The following NKAIN2 variants were observed in gnomAD, a reference collection of about 807,000 sequenced individuals.
The protein encoded by NKAIN2 is sodium/potassium-transporting ATPase subunit beta-1-interacting protein 2.
NKAIN2 carries 14 observed loss-of-function variants against 32.6 expected under a neutral mutation model. The observed-to-expected ratio is 0.43, with a 90% confidence interval of 0.28 to 0.67. NKAIN2 has a LOEUF of 0.67. NKAIN2 is among the 30% of genes least tolerant of loss of function. NKAIN2 has a pLI of 0.17. For missense variants in NKAIN2, 198 were observed against 258.3 expected (o/e 0.77, Z 1.60); for synonymous variants, 80 against 87.2 (o/e 0.92, Z 0.46).
chr6:124,184,526 G>T (rs924458315), intron 1 of NKAIN2, among the ~76,000 whole-genome samples: 7 of 152,034 alleles, frequency 4.6e-5, no homozygotes, highest in Admixed American at 2.0e-4. Context: ...GATATAGCTG[G>T]TATCTTGGTA....
At chr6:124,254,921 C>G (rs1402374453) in intron 1 of NKAIN2, among the ~76,000 whole-genome samples, 6 of 152,166 alleles carry the variant, frequency 3.9e-5, no homozygotes, top group Admixed American at 2.6e-4. Context: ...TTTTATCGTG[C>G]TTAATAGCCT....
At chr6:124,213,771 GT>G (rs1407061765) in intron 1 of NKAIN2, among the ~76,000 whole-genome samples, 3 of 152,008 alleles carry the variant, frequency 2.0e-5, no homozygotes, top group Non-Finnish European at 4.4e-5. Flanking sequence ...CTCACAGAAT[GT>G]TTTTCTTGCT....
intron 1 of NKAIN2, among the ~76,000 whole-genome samples, chr6:124,062,492 G>C (rs566576840): frequency 6.6e-6 from 1 of 152,268 alleles, no homozygotes; most frequent in African/African-American, 2.4e-5. Flanking sequence ...GCAGTGGCAC[G>C]AGCATGGCTC....
intron 1 of NKAIN2, among the ~76,000 whole-genome samples, chr6:123,878,305 T>G (rs951449533): frequency 6.6e-6 from 1 of 152,260 alleles, no homozygotes; most frequent in Non-Finnish European, 1.5e-5. Context: ...CTTATAACTT[T>G]AAATAACTTT....
At chr6:124,679,328 G>A (rs981091177) in intron 4 of NKAIN2, among the ~76,000 whole-genome samples, 2 of 151,974 alleles carry the variant, frequency 1.3e-5, no homozygotes, top group African/African-American at 4.8e-5. Flanking sequence ...GCTCAAATTG[G>A]TGCCCTTTTC....
intron 4 of NKAIN2, among the ~76,000 whole-genome samples, chr6:124,745,725 G>A (rs1392582167): frequency 6.6e-6 from 1 of 151,824 alleles, no homozygotes; most frequent in East Asian, 1.9e-4. Flanking sequence ...TTTCTCAATT[G>A]TGTTTCTGTG....
chr6:124,478,753 T>G (rs1391014437), intron 3 of NKAIN2, among the ~76,000 whole-genome samples: 11 of 152,142 alleles, frequency 7.2e-5, no homozygotes, highest in African/African-American at 2.4e-4. Context: ...TCCAAATAAT[T>G]GATGTAGATA....
At chr6:124,016,783 T>A (rs1780592038) in intron 1 of NKAIN2, among the ~76,000 whole-genome samples, 1 of 152,124 alleles carries the variant, frequency 6.6e-6, no homozygotes, top group Non-Finnish European at 1.5e-5. Flanking sequence ...TTTTTTTTTC[T>A]ATTTTACAAA....
chr6:124,350,412 G>GA lies in NKAIN2; in HGVS notation c.193-4847dup, dbSNP rs555903871. On this transcript the variant is annotated intron_variant, in intron 2 of 6. Coordinates refer to ENST00000368417, the MANE Select transcript of NKAIN2 (RefSeq NM_001040214.3). ...AGATAAGTGCCAGCTACTAAAATGA[G>GA]AAAAAAAATGTAGAAAAGAATAAAA... Among the ~76,000 whole-genome samples the GA allele has an allele frequency of 3.6e-3, 541 of 151,100 alleles. 6 individuals carry two copies. Among genetic ancestry groups the GA allele is most frequent in the Middle Eastern group, 0.024 (7 of 294 alleles).
intron 4 of NKAIN2, among the ~76,000 whole-genome samples, chr6:124,745,473 ATCTCCT>A (rs1393076080): frequency 1.3e-5 from 2 of 151,920 alleles, no homozygotes; most frequent in Non-Finnish European, 2.9e-5. Context: ...CTTTTCAAAA[ATCTCCT>A]TATAGTTCAA....
chr6:124,627,434 GGAGT>G (rs1305874842), intron 3 of NKAIN2, among the ~76,000 whole-genome samples: 1 of 152,074 alleles, frequency 6.6e-6, no homozygotes, highest in African/African-American at 2.4e-5. Flanking sequence ...CATAAGCTTT[GGAGT>G]AAGACAAATA....
At chr6:124,653,992 G>A (rs1784453979) in intron 3 of NKAIN2, among the ~76,000 whole-genome samples, 1 of 152,000 alleles carries the variant, frequency 6.6e-6, no homozygotes. Context: ...TGCAAATTTT[G>A]TAATATTCAT....
In NKAIN2 at chr6:124,653,354, T is replaced by C. The variant is rs529367608; in HGVS notation, c.274-4832T>C. Among the ~76,000 whole-genome samples, 316 of 147,806 alleles carry C rather than the reference T, an allele frequency of 2.1e-3. 1 individual carries two copies. Among genetic ancestry groups the C allele is most frequent in the African/African-American group, 7.7e-3 (306 of 39,840 alleles). ...TAGAAGTCCACCCACACAAATATAG[T>C]CAACTGTTTTTTGCAAGAGAGGAAA... is the stretch of plus-strand genomic sequence containing the variant. On this transcript the variant is annotated intron_variant, in intron 3 of 6. Transcript: ENST00000368417.
chr6:124,696,501 T>C (rs557957993), intron 4 of NKAIN2, among the ~76,000 whole-genome samples: 3 of 152,096 alleles, frequency 2.0e-5, no homozygotes, highest in Non-Finnish European at 4.4e-5. Flanking sequence ...AAAATAGGCC[T>C]CCAGATTTGC....
chr6:124,473,301 G>A (rs558603876), intron 3 of NKAIN2, among the ~76,000 whole-genome samples: 2 of 152,244 alleles, frequency 1.3e-5, no homozygotes, highest in South Asian at 4.1e-4. Flanking sequence ...AAGGTGAGGT[G>A]GCCAGGCTTC....
chr6:124,342,865 T>A (rs1295733571), intron 2 of NKAIN2, among the ~76,000 whole-genome samples: 8 of 145,520 alleles, frequency 5.5e-5, no homozygotes, highest in Non-Finnish European at 1.2e-4. Flanking sequence ...AGTTTTAGGG[T>A]ACATGTGCAC....
At chr6:124,493,714 C>T (rs1192233188) in intron 3 of NKAIN2, among the ~76,000 whole-genome samples, 1 of 85,646 alleles carries the variant, frequency 1.2e-5, no homozygotes, top group African/African-American at 4.4e-5. Context: ...CAACCCCCCC[C>T]TCCAAAAAAA....
intron 3 of NKAIN2, among the ~76,000 whole-genome samples, chr6:124,444,734 T>TA (rs1386829975): frequency 6.6e-6 from 1 of 152,020 alleles, no homozygotes; most frequent in East Asian, 1.9e-4. Flanking sequence ...GATCTTTTTT[T>TA]ATGTCCCTAT....
chr6:124,694,645 CA>C (rs1488637583), intron 4 of NKAIN2, among the ~76,000 whole-genome samples: 1 of 152,168 alleles, frequency 6.6e-6, no homozygotes, highest in Admixed American at 6.5e-5. Context: ...TGAATAAGCG[CA>C]TCATGACATA....
Sources: allele counts gnomAD v4.1 joint callset (sites outside exome capture counted in the v4.1 genomes callset), GRCh38; gene constraint gnomAD v4.1.1; transcripts MANE v1.5; gene names NCBI Gene and HGNC (gene_info 2026-07-23, HGNC 2026-07-21).